HS6ST3: variants seen among roughly 807,000 people sequenced by gnomAD.
The protein encoded by HS6ST3 is heparan sulfate 6-O-sulfotransferase 3, also known as heparan-sulfate 6-O-sulfotransferase 3.
A neutral mutation model predicts 36.7 loss-of-function variants in HS6ST3; 12 were observed. The observed-to-expected ratio is 0.33, with a 90% CI of 0.21 to 0.53. HS6ST3 has a LOEUF of 0.53. Ranked by LOEUF, HS6ST3 falls within the 20% of genes least tolerant of loss-of-function variation. HS6ST3 has a pLI of 0.95. For synonymous variants in HS6ST3, 240 were observed against 257.5 expected, an observed-to-expected ratio of 0.93 and a Z score of 0.65; for missense variants, 584 against 640.9, an observed-to-expected ratio of 0.91 and a Z score of 0.96.
intron 1 of HS6ST3, among the ~76,000 whole-genome samples, chr13:96,716,530 A>G (rs568046991): frequency 6.6e-6 from 1 of 152,260 alleles, no homozygotes; most frequent in South Asian, 2.1e-4. Context: ...CTCTAATATG[A>G]TAATTAATGA....
intron 1 of HS6ST3, among the ~76,000 whole-genome samples, chr13:96,487,515 A>G (rs1326165279): frequency 6.6e-6 from 1 of 152,156 alleles, no homozygotes; most frequent in Non-Finnish European, 1.5e-5. Context: ...AGGGACTAAT[A>G]TTTATTGATA....
At chr13:96,125,752 C>A (rs914705038) in intron 1 of HS6ST3, among the ~76,000 whole-genome samples, 2 of 151,444 alleles carry the variant, frequency 1.3e-5, no homozygotes, top group African/African-American at 4.9e-5. Context: ...TTTCTTATTT[C>A]TTTTTTCTTC....
chr13:96,506,734 A>G (rs889647480), intron 1 of HS6ST3, among the ~76,000 whole-genome samples: 1 of 152,142 alleles, frequency 6.6e-6, no homozygotes, highest in African/African-American at 2.4e-5. Context: ...GGTTATCCAT[A>G]TGCTGGCATT....
intron 1 of HS6ST3, among the ~76,000 whole-genome samples, chr13:96,311,563 A>G (rs1440505135): frequency 6.6e-6 from 1 of 152,172 alleles, no homozygotes; most frequent in African/African-American, 2.4e-5. Context: ...AAGCAGGTTA[A>G]AATGAATGCC....
chr13:96,578,045 C>A (rs754841312), intron 1 of HS6ST3, among the ~76,000 whole-genome samples: 1 of 152,150 alleles, frequency 6.6e-6, no homozygotes, highest in Admixed American at 6.5e-5. Context: ...GCCCAAGAAT[C>A]GGGCTGGTTA....
At chr13:96,598,538 G>A (rs1401183595) in intron 1 of HS6ST3, among the ~76,000 whole-genome samples, 4 of 152,066 alleles carry the variant, frequency 2.6e-5, no homozygotes, top group East Asian at 3.9e-4. Context: ...AACCTGAGAC[G>A]TTACTGAGTT....
At chr13:96,734,542 A>G (rs1876235477) in intron 1 of HS6ST3, among the ~76,000 whole-genome samples, 1 of 152,230 alleles carries the variant, frequency 6.6e-6, no homozygotes, top group Admixed American at 6.5e-5. Context: ...TTACATTCCA[A>G]TCATTAGAAT....
At chr13:96,701,995 G>A (rs982541689) in intron 1 of HS6ST3, among the ~76,000 whole-genome samples, 1 of 152,126 alleles carries the variant, frequency 6.6e-6, no homozygotes, top group African/African-American at 2.4e-5. Flanking sequence ...AGGGATCTGA[G>A]GGAAACATGA....
chr13:96,768,055 C>T (rs1877164917), intron 1 of HS6ST3, among the ~76,000 whole-genome samples: 1 of 152,156 alleles, frequency 6.6e-6, no homozygotes, highest in Non-Finnish European at 1.5e-5. Flanking sequence ...GTCATACCAC[C>T]TTGTTTTCTT....
chr13:96,694,509 T>C (rs1236237651), intron 1 of HS6ST3, among the ~76,000 whole-genome samples: 1 of 152,210 alleles, frequency 6.6e-6, no homozygotes, highest in Non-Finnish European at 1.5e-5. Flanking sequence ...GGTTGATTTA[T>C]ATATTTATAT....
chr13:96,451,192 G>A (rs1474327595), intron 1 of HS6ST3, among the ~76,000 whole-genome samples: 1 of 151,888 alleles, frequency 6.6e-6, no homozygotes, highest in Non-Finnish European at 1.5e-5. Context: ...GGGGGACAAA[G>A]GATGGGTAGA....
At chr13:96,494,534 A>C (rs1362810426) in intron 1 of HS6ST3, among the ~76,000 whole-genome samples, 1 of 151,484 alleles carries the variant, frequency 6.6e-6, no homozygotes, top group African/African-American at 2.4e-5. Flanking sequence ...CTAAAACTTA[A>C]AGTATAATTA....
At position 96,678,234 on chromosome 13, in the gene HS6ST3, A is replaced by G. The variant is rs185899427; in HGVS notation, c.708-154256A>G. Among the ~76,000 whole-genome samples, 343 of 152,318 alleles carry G rather than the reference A, an allele frequency of 2.3e-3. 1 individual carries two copies. Among genetic ancestry groups the G allele is most frequent in the Non-Finnish European group, 3.6e-3 (246 of 68,032 alleles). ...CTACAATAGCAGCATTAATCCATTC[A>G]TGAACATGGAGCCTTCATGGTCTAT... On this transcript the variant is annotated intron_variant, in intron 1 of 1. Coordinates refer to ENST00000376705, the MANE Select transcript of HS6ST3 (RefSeq NM_153456.4).
chr13:96,734,129 C>T (rs961524193), intron 1 of HS6ST3, among the ~76,000 whole-genome samples: 2 of 152,198 alleles, frequency 1.3e-5, no homozygotes, highest in Non-Finnish European at 2.9e-5. Flanking sequence ...GGCCACTTCA[C>T]TCAGACCCCA....
chr13:96,429,766 T>G (rs2055605464), intron 1 of HS6ST3, among the ~76,000 whole-genome samples: 1 of 152,204 alleles, frequency 6.6e-6, no homozygotes, highest in Admixed American at 6.5e-5. Flanking sequence ...AGTCTGTAGG[T>G]TCGATAGAAA....
At chr13:96,678,582 G>C (rs552360149) in intron 1 of HS6ST3, among the ~76,000 whole-genome samples, 7 of 151,868 alleles carry the variant, frequency 4.6e-5, no homozygotes, top group Non-Finnish European at 1.0e-4. Context: ...GGCTGAGGCA[G>C]AGAATTGCTT....
intron 1 of HS6ST3, among the ~76,000 whole-genome samples, chr13:96,311,412 T>C (rs986706575): frequency 4.6e-5 from 7 of 152,112 alleles, no homozygotes; most frequent in Admixed American, 3.9e-4. Context: ...GGTGGGAAGT[T>C]GTGGGGGCTG....
Position 96,655,031 on chromosome 13 carries a change from T to C in HS6ST3, c.708-177459T>C, listed in dbSNP as rs1203730333. 2.6e-5 allele frequency among the ~76,000 whole-genome samples: 4 copies of C among 152,154 alleles called. No homozygotes were observed. In the East Asian group the frequency reaches 7.7e-4, roughly 29 times the overall value. Reference sequence around the variant, plus strand: ...TGAATAAGGAACTTCTTGGCTGTCTTGGCTGGCTCACCAGTGATTTTCCTT... The same window carrying C: ...TGAATAAGGAACTTCTTGGCTGTCTCGGCTGGCTCACCAGTGATTTTCCTT... On this transcript the variant is annotated intron_variant, in intron 1 of 1. Coordinates refer to ENST00000376705, the MANE Select transcript of HS6ST3 (RefSeq NM_153456.4).
intron 1 of HS6ST3, among the ~76,000 whole-genome samples, chr13:96,346,966 C>G (rs926026842): frequency 7.9e-5 from 12 of 152,040 alleles, no homozygotes; most frequent in African/African-American, 1.2e-4. Context: ...TGGAGAGGTC[C>G]CCATGGCAAA....
Sources: gnomAD v4.1 joint callset for allele counts (sites outside exome capture counted in the v4.1 genomes callset) on GRCh38, gnomAD v4.1.1 for gene constraint, MANE v1.5 for transcripts, NCBI Gene and HGNC (gene_info 2026-07-23, HGNC 2026-07-21) for gene names.